Variants in COX10 observed in about 807,000 individuals in gnomAD.
COX10 encodes the protein protoheme IX farnesyltransferase, mitochondrial.
COX10 carries 27 observed loss-of-function variants against 37.3 expected under a neutral mutation model. That is an observed-to-expected ratio of 0.72 (90% CI 0.53 to 1.00). The LOEUF (loss-of-function observed/expected upper bound fraction) is 1.00, where lower values mean the gene tolerates loss of function less well. COX10 is among the 50% of genes least tolerant of loss of function. The pLI, the probability that COX10 is intolerant of heterozygous loss-of-function variation, is 0.00. For synonymous variants in COX10, 222 were observed against 229.1 expected (o/e 0.97, Z 0.28); for missense variants, 475 against 563.2 (o/e 0.84, Z 1.59).
chr17:14,186,761 C>T (rs62056000), intron 5 of COX10, among the ~76,000 whole-genome samples: 74,364 of 147,164 alleles, frequency 0.51, 16,914 homozygotes, highest in Non-Finnish European at 0.55. Flanking sequence ...CTCAAGACTC[C>T]AGCCACCCCA....
intron 6 of COX10, among the ~76,000 whole-genome samples, chr17:14,194,308 G>A (rs1395975291): frequency 3.3e-5 from 5 of 152,244 alleles, no homozygotes; most frequent in Non-Finnish European, 7.4e-5. Flanking sequence ...TTGCCTCCCC[G>A]GAGGCTAGAG....
At chr17:14,189,079 C>CTTTTT (rs150588459) in intron 5 of COX10, among the ~76,000 whole-genome samples, 1 of 114,148 alleles carries the variant, frequency 8.8e-6, no homozygotes, top group Non-Finnish European at 1.8e-5. Context: ...TCATTTTCTT[C>CTTTTT]TTTTTTTTTT....
chr17:14,167,097 G>A (rs1035248640), intron 5 of COX10, among the ~76,000 whole-genome samples: 1 of 152,108 alleles, frequency 6.6e-6, no homozygotes, highest in African/African-American at 2.4e-5. Context: ...ATTAACAGGG[G>A]TTTGAAAAAA....
chr17:14,158,952 G>A (rs1189980575), intron 4 of COX10, among the ~76,000 whole-genome samples: 1 of 152,162 alleles, frequency 6.6e-6, no homozygotes, highest in African/African-American at 2.4e-5. Context: ...AAGGAGACAA[G>A]TAAGAGACAT....
intron 4 of COX10, among the ~76,000 whole-genome samples, chr17:14,129,305 T>C (rs1309222782): frequency 6.6e-6 from 1 of 151,824 alleles, no homozygotes; most frequent in East Asian, 1.9e-4. Context: ...TCAAAATATA[T>C]AAATATGTAA....
At chr17:14,088,015 C>T (rs1915450584) in intron 3 of COX10, among the ~76,000 whole-genome samples, 1 of 152,164 alleles carries the variant, frequency 6.6e-6, no homozygotes, top group Non-Finnish European at 1.5e-5. Flanking sequence ...ATAGCTGCCT[C>T]TAAGCTCTCC....
chr17:14,119,283 T>A (rs752931528), intron 4 of COX10, among the ~76,000 whole-genome samples: 8 of 152,190 alleles, frequency 5.3e-5, no homozygotes, highest in Non-Finnish European at 1.0e-4. Context: ...TGCTCTGAGG[T>A]TACATTTCCT....
chr17:14,131,933 T>G (rs185452169), intron 4 of COX10, among the ~76,000 whole-genome samples: 2 of 152,116 alleles, frequency 1.3e-5, no homozygotes, highest in Admixed American at 1.3e-4. Context: ...AATTATAAAG[T>G]GATGCAAAAG....
intron 6 of COX10, among the ~76,000 whole-genome samples, chr17:14,205,884 T>G (rs889855548): frequency 5.9e-5 from 9 of 152,102 alleles, no homozygotes; most frequent in African/African-American, 2.2e-4. Context: ...AGCAGCAGCC[T>G]TCATTCCACC....
rs1916515492 is a variant in COX10 at position 14,133,715 on chromosome 17, G to C, written c.625-26162G>C. Among the ~76,000 whole-genome samples the C allele has an allele frequency of 3.3e-5, 5 of 151,510 alleles. No individual in the cohort carries two copies. The South Asian group carries it at 1.0e-3, about 31-fold the overall frequency. On this transcript the variant is annotated intron_variant, in intron 4 of 6. Transcript: ENST00000261643. ...GCTAGATGTTAATCACTTTCATCCA[G>C]ATTTCAGTCTGGATGATGAAAAAAA...
chr17:14,207,207 C>T lies in COX10; in HGVS notation c.1326C>T (p.Pro442=), dbSNP rs776202901. The T allele has an allele frequency of 6.3e-6, 10 of 1,590,310 alleles. No individual in the cohort carries two copies. The Admixed American group carries it at 1.7e-4, about 27-fold the overall frequency. ...PSGGGDAGPP[P]S ...GAGGCGGGGACGCAGGGCCCCCTCCCAGCTGAGAGCACTGGGACGCCCACC... is the reference window on the plus strand; with the variant it reads ...GAGGCGGGGACGCAGGGCCCCCTCCTAGCTGAGAGCACTGGGACGCCCACC... Residue 442 remains proline, a synonymous_variant, in exon 7 of 7, where the codon CCC becomes CCT. Transcript: ENST00000261643.
At chr17:14,115,237 G>A (rs545515663) in intron 4 of COX10, among the ~76,000 whole-genome samples, 26 of 152,204 alleles carry the variant, frequency 1.7e-4, no homozygotes, top group Admixed American at 7.2e-4. Context: ...TACATTTTAC[G>A]ATGTACAGAG....
intron 4 of COX10, among the ~76,000 whole-genome samples, chr17:14,147,415 G>A (rs141272166): frequency 5.3e-5 from 8 of 152,102 alleles, no homozygotes; most frequent in South Asian, 2.1e-4. Flanking sequence ...CAAACATTGC[G>A]TATTCTCACT....
At chr17:14,116,453 T>C (rs1242595526) in intron 4 of COX10, among the ~76,000 whole-genome samples, 1 of 152,142 alleles carries the variant, frequency 6.6e-6, no homozygotes, top group Non-Finnish European at 1.5e-5. Context: ...CCGCTTAGAC[T>C]TACGCAGGAC....
intron 1 of COX10, among the ~76,000 whole-genome samples, chr17:14,070,883 G>C (rs1177678740): frequency 1.3e-5 from 2 of 152,216 alleles, no homozygotes; most frequent in African/African-American, 4.8e-5. Flanking sequence ...CAAAGGTCCT[G>C]TTTGGTTTGT....
chr17:14,126,541 G>C (rs1214468613), intron 4 of COX10, among the ~76,000 whole-genome samples: 1 of 152,082 alleles, frequency 6.6e-6, no homozygotes, highest in Non-Finnish European at 1.5e-5. Context: ...TTTTAGTATG[G>C]TATTCTGTAG....
intron 4 of COX10, among the ~76,000 whole-genome samples, chr17:14,103,786 C>T (rs1915835938): frequency 6.6e-6 from 1 of 151,960 alleles, no homozygotes; most frequent in Non-Finnish European, 1.5e-5. Context: ...GAACATAAGC[C>T]AAGGTTTTGG....
chr17:14,092,793 ACT>A (rs988803748), intron 3 of COX10, among the ~76,000 whole-genome samples: 3 of 152,242 alleles, frequency 2.0e-5, no homozygotes, highest in African/African-American at 4.8e-5. Context: ...TAAAAAGTAC[ACT>A]CTCATTTAAA....
intron 3 of COX10, among the ~76,000 whole-genome samples, chr17:14,093,172 C>T (rs544212360): frequency 6.6e-6 from 1 of 152,252 alleles, no homozygotes; most frequent in East Asian, 1.9e-4. Flanking sequence ...TAGCCAGTGG[C>T]TTTAATCTTG....
Sources: allele counts gnomAD v4.1 joint callset (sites outside exome capture counted in the v4.1 genomes callset), GRCh38; gene constraint gnomAD v4.1.1; transcripts MANE v1.5; gene names NCBI Gene and HGNC (gene_info 2026-07-23, HGNC 2026-07-21).